Variants in MTA2 observed in about 807,000 individuals in gnomAD.
The protein encoded by MTA2 is metastasis-associated protein MTA2.
In MTA2, 22 loss-of-function variants were observed where a neutral mutation model predicts 87.1. The ratio of observed to expected loss-of-function variants is 0.25; its 90% CI spans 0.18 to 0.36. The LOEUF is 0.36. Among genes scored for constraint, MTA2 ranks in the 10% least tolerant of loss-of-function variants. MTA2 has a pLI of 1.00. For missense variants in MTA2, 542 were observed against 853.2 expected (o/e 0.64, Z 4.54); for synonymous variants, 314 against 310.1 (o/e 1.01, Z -0.13).
chr11:62,596,452 T>C lies in MTA2; in HGVS notation c.957+6A>G, dbSNP rs369469868. On this transcript the variant is annotated splice_donor_region_variant and intron_variant, in intron 10 of 17. Transcript: ENST00000278823. ...TATGGTCCACCCTCCCCAGCCCAGA[T>C]AATACCTGCTGAATATACCGGTCTG... The C allele has an allele frequency of 2.5e-6, 4 of 1,613,744 alleles. No individual in the cohort carries two copies. In the African/African-American group the frequency reaches 5.3e-5, roughly 22 times the overall value.
In MTA2 at chr11:62,595,688, T is replaced by A; in HGVS notation, c.1254+64A>T. 2 of 1,593,578 alleles carry A rather than the reference T, an allele frequency of 1.3e-6. No individual in the cohort carries two copies. The highest frequency in any genetic ancestry group is 1.1e-5 in the South Asian group (1 of 88,030). On this transcript the variant is annotated intron_variant, in intron 13 of 17. Transcript: ENST00000278823. This position sits in a 1 kb window ranked among gnomAD's most constrained non-coding sequence, Gnocchi z 4.9. ...TATAAAGAGTTGAATATTCTGGCCT[T>A]CACCTAAGCTCACCATCAATATGCT... is the stretch of plus-strand genomic sequence containing the variant.
chr11:62,600,891 G>A (rs1026608074), intron 1 of MTA2: 3 of 563,420 alleles, frequency 5.3e-6, no homozygotes, highest in South Asian at 2.1e-5. Context: ...TCTAAAATTA[G>A]ATCCTTTACT....
At position 62,595,758 on chromosome 11, in the gene MTA2, GCC is replaced by G; in HGVS notation, c.1246_1247del (p.Gly416HisfsTer14). The G allele has an allele frequency of 6.2e-7, 1 of 1,614,094 alleles. No individual in the cohort carries two copies. Among genetic ancestry groups the G allele is most frequent in the East Asian group, 2.2e-5 (1 of 44,876 alleles). On this transcript the variant is annotated frameshift_variant, in exon 13 of 18. Transcript: ENST00000278823. LOFTEE classifies it high-confidence loss of function. This position sits in a 1 kb window ranked among gnomAD's most constrained non-coding sequence, Gnocchi z 4.9. The stretch of plus-strand genomic sequence containing the variant: ...TCTTCCCACTGATCCTTACCGTGGT[GCC>G]CCGAGTGGCCCCCTCAAGCTGAGTT... ...TPTQLEGATRGTTEPHSRGHL... is the reference protein window; with the variant it reads ...TPTQLEGATRXTTEPHSRGHL...
chr11:62,598,557 A>G lies in MTA2; in HGVS notation c.273T>C (p.Ser91=), dbSNP rs754965791. 7 of 1,614,184 alleles carry G rather than the reference A, an allele frequency of 4.3e-6. No individual in the cohort carries two copies. Among genetic ancestry groups the G allele is most frequent in the Non-Finnish European group, 5.9e-6 (7 of 1,180,044 alleles). ...HQLKHRELFL[S]RQFESLPATH... ...TGGCTGGTAATGATTCAAATTGCCG[A>G]GAAAGAAAAAGTTCCCGGTGCTTCA... is the stretch of plus-strand genomic sequence containing the variant. The change falls in exon 4 of 18, where the codon TCT becomes TCC. Residue 91 remains serine, a synonymous_variant. Transcript: ENST00000278823.
Position 62,598,219 on chromosome 11 carries a change from A to G in MTA2, c.373-78T>C, listed in dbSNP as rs80201098. On this transcript the variant is annotated intron_variant, in intron 5 of 17. Transcript: ENST00000278823. Reference sequence around the variant, plus strand: ...GGGAGGGAGGTGTATCTGAGTTTCCATGACCGGCAGTCTGGCAACCCTGTA... The same window carrying G: ...GGGAGGGAGGTGTATCTGAGTTTCCGTGACCGGCAGTCTGGCAACCCTGTA... 7.6e-4 allele frequency: 1,194 copies of G among 1,569,432 alleles called. 4 individuals are homozygous for G. In the African/African-American group the frequency reaches 8.8e-3, roughly 12 times the overall value.
chr11:62,598,420 G>A (rs779082955), intron 4 of MTA2, 30 bp from the exon 5 acceptor site: 7 of 1,611,574 alleles, frequency 4.3e-6, no homozygotes, highest in Non-Finnish European at 4.2e-6. Context: ...AAACCCCGGT[G>A]AGCCCCACTC....
Position 62,593,574 on chromosome 11 carries a change from A to C in MTA2, c.*301T>G. 3.9e-6 allele frequency: 1 copy of C among 254,996 alleles called. No homozygotes were observed. Among genetic ancestry groups the C allele is most frequent in the Non-Finnish European group, 7.5e-6 (1 of 133,080 alleles). 15.8% of individuals were successfully genotyped at this position (254,996 alleles called of 1,614,324 possible). A position where few individuals can be genotyped will look rare whatever the true frequency, so the allele number is the denominator to read the frequency against. ...ACAAAGGGAGGCAAAATTTTTAAAA[A>C]ATTAAAAAACCCTCCCCCCAAAACT... is the stretch of plus-strand genomic sequence containing the variant. On this transcript the variant is annotated 3_prime_UTR_variant, in exon 18 of 18. Transcript: ENST00000278823.
intron 8 of MTA2, 64 bp from the exon 9 acceptor site, chr11:62,596,889 T>C: frequency 6.6e-7 from 1 of 1,510,946 alleles, no homozygotes. Flanking sequence ...TTCCTGCTCC[T>C]TAAAACACTC....
Position 62,593,812 on chromosome 11 carries a change from A to G in MTA2, c.*63T>C. The G allele has an allele frequency of 6.3e-7, 1 of 1,590,354 alleles. No individual in the cohort carries two copies. Among genetic ancestry groups the G allele is most frequent in the Non-Finnish European group, 8.6e-7 (1 of 1,161,640 alleles). ...CTCCCTTCGACACGAAAGGGAAGGGAGGTTTGGGTGCCCTGGGCATCCACC... is the reference window on the plus strand; with the variant it reads ...CTCCCTTCGACACGAAAGGGAAGGGGGGTTTGGGTGCCCTGGGCATCCACC... On this transcript the variant is annotated 3_prime_UTR_variant, in exon 18 of 18. Coordinates refer to ENST00000278823, the MANE Select transcript of MTA2 (RefSeq NM_004739.4).
At position 62,600,455 on chromosome 11, in the gene MTA2, T is replaced by G. The variant is rs1590732978; in HGVS notation, c.96+167A>C. The G allele has an allele frequency of 3.7e-6, 3 of 805,118 alleles. No individual in the cohort carries two copies. In the South Asian group the frequency reaches 5.5e-5, roughly 15 times the overall value. The allele number at this position is 805,118 out of a possible 1,614,324, so 49.9% of individuals were successfully genotyped here. A position where few individuals can be genotyped will look rare whatever the true frequency, so the allele number is the denominator to read the frequency against. Reference sequence around the variant, plus strand: ...TTTCCTTTGCCCCCAAGAGACAGAATAGTAAAGTTCCTGCTAACCTCTCAA... The same window carrying G: ...TTTCCTTTGCCCCCAAGAGACAGAAGAGTAAAGTTCCTGCTAACCTCTCAA... On this transcript the variant is annotated intron_variant, in intron 2 of 17. Transcript: ENST00000278823.
intron 8 of MTA2, 134 bp from the exon 9 acceptor site, chr11:62,596,959 G>A: frequency 1.2e-6 from 1 of 825,516 alleles, no homozygotes; most frequent in Non-Finnish European, 1.8e-6. Flanking sequence ...GGAAGCGGAG[G>A]CGGGCAGATC....
In MTA2 at chr11:62,601,615, C is replaced by T. The variant is rs1356876011; in HGVS notation, c.-165G>A. On this transcript the variant is annotated 5_prime_UTR_variant, in exon 1 of 18. Coordinates refer to ENST00000278823, the MANE Select transcript of MTA2 (RefSeq NM_004739.4). Reference sequence around the variant, plus strand: ...CGCTGCCTCAGCCGTCGCGGTTCATCCCGGCCCGCGCTGTCGCCGCCGCAG... The same window carrying T: ...CGCTGCCTCAGCCGTCGCGGTTCATTCCGGCCCGCGCTGTCGCCGCCGCAG... The T allele has an allele frequency of 4.0e-6, 3 of 746,676 alleles. No individual in the cohort carries two copies. Among genetic ancestry groups the T allele is most frequent in the African/African-American group, 3.7e-5 (2 of 53,378 alleles). The allele number at this position is 746,676 out of a possible 1,614,324, so 46.3% of individuals were successfully genotyped here. A position where few individuals can be genotyped will look rare whatever the true frequency, so the allele number is the denominator to read the frequency against.
At position 62,598,254 on chromosome 11, in the gene MTA2, T is replaced by C. The variant is rs1942126316; in HGVS notation, c.372+73A>G. The C allele has an allele frequency of 3.2e-6, 5 of 1,570,140 alleles. No homozygotes were observed. The Admixed American group carries it at 8.3e-5, about 26-fold the overall frequency. On this transcript the variant is annotated intron_variant, in intron 5 of 17. Transcript: ENST00000278823. ...GTCTGGCAACCCTGTACCTCATCAT[T>C]GTGCTCCTTTCCCCCTCTCTTTTGC...
chr11:62,600,347 A>C (rs765703721), intron 2 of MTA2, 88 bp from the exon 3 acceptor site: 4 of 1,198,896 alleles, frequency 3.3e-6, no homozygotes, highest in Non-Finnish European at 4.9e-6. Context: ...GACAAATAAC[A>C]GTAAGTTTCA....
At chr11:62,601,310 C>T in intron 1 of MTA2, 113 bp downstream of exon 1, 1 of 1,347,708 alleles carries the variant, frequency 7.4e-7, no homozygotes, top group Non-Finnish European at 1.0e-6. Flanking sequence ...GGTCCGCGCT[C>T]CGGTCCACGC....
At chr11:62,594,880 C>A in intron 15 of MTA2, 101 bp downstream of exon 15, 1 of 1,106,828 alleles carries the variant, frequency 9.0e-7, no homozygotes, top group Non-Finnish European at 1.3e-6. Context: ...TAGACTAAAT[C>A]TCTGAGGACA....
Position 62,596,798 on chromosome 11 carries a change from T to C in MTA2, c.721A>G (p.Asn241Asp). ...LFHAMDTLQR[N>D]GYDLAKAMST... ...ATGGCCTTAGCCAGGTCGTAGCCGT[T>C]CCTTTGCAAGGTATCCATGGCGTGA... The change falls in exon 9 of 18, where the codon AAC becomes GAC. Residue 241 changes from asparagine to aspartate, a missense_variant. Coordinates refer to ENST00000278823, the MANE Select transcript of MTA2 (RefSeq NM_004739.4). 4 of 1,608,570 alleles carry C rather than the reference T, an allele frequency of 2.5e-6. No homozygotes were observed. Among genetic ancestry groups the C allele is most frequent in the Non-Finnish European group, 2.5e-6 (3 of 1,178,028 alleles).
rs1054336426 is a variant in MTA2 at position 62,593,951 on chromosome 11, G to C, written c.1931C>G (p.Ala644Gly). ...LPLKVKPTLI[A>G]VRPPVPLPAP... ...AGGTAGAGGGACAGGGGGCCGCACT[G>C]CAATCAGCGTTGGCTTCACCTTCAG... Residue 644 changes from alanine to glycine, a missense_variant, in exon 18 of 18, where the codon GCA becomes GGA. Around this residue, in one of 6 missense-constraint regions of MTA2, gnomAD observed 269 missense variants for 346.4 expected, o/e 0.78. Coordinates refer to ENST00000278823, the MANE Select transcript of MTA2 (RefSeq NM_004739.4). The C allele has an allele frequency of 1.2e-6, 2 of 1,614,152 alleles. No homozygotes were observed.
chr11:62,596,267 C>A lies in MTA2; in HGVS notation c.1016+12G>T. 1 of 1,613,784 alleles carries A rather than the reference C, an allele frequency of 6.2e-7. No homozygotes were observed. The highest frequency in any genetic ancestry group is 1.1e-5 in the South Asian group (1 of 91,008). ...GGAAAACACTCTGGTCTCCCCTACC[C>A]ACCACACTTACTAGGTGGGAATGTA... On this transcript the variant is annotated intron_variant, in intron 11 of 17. Coordinates refer to ENST00000278823, the MANE Select transcript of MTA2 (RefSeq NM_004739.4).
Sources: gnomAD v4.1 joint callset for allele counts on GRCh38, gnomAD v4.1.1 for gene constraint, gnomAD v4.1.1 regional missense constraint, Gnocchi (gnomAD v3.1) non-coding constraint, MANE v1.5 for transcripts, NCBI Gene and HGNC (gene_info 2026-07-23, HGNC 2026-07-21) for gene names.